Variants in FLVCR2 observed in about 807,000 individuals in gnomAD.
The protein encoded by FLVCR2 is choline/ethanolamine transporter FLVCR2.
FLVCR2 carries 38 observed loss-of-function variants against 48.9 expected under a neutral mutation model. The observed-to-expected ratio is 0.78, with a 90% CI of 0.60 to 1.02. The LOEUF is 1.02. FLVCR2 is among the 50% of genes least tolerant of loss of function. The pLI is 0.00. For synonymous variants in FLVCR2, 255 were observed against 257.0 expected (o/e 0.99, Z 0.07); for missense variants, 664 against 663.3 (o/e 1.00, Z -0.01).
chr14:75,622,851 G>A (rs1378672607), intron 2 of FLVCR2, among the ~76,000 whole-genome samples: 1 of 151,974 alleles, frequency 6.6e-6, no homozygotes, highest in African/African-American at 2.4e-5. Context: ...AGTAACATAT[G>A]CTTATTATAG....
chr14:75,645,598 T>C (rs773465272), intron 9 of FLVCR2, among the ~76,000 whole-genome samples: 1 of 152,202 alleles, frequency 6.6e-6, no homozygotes, highest in Non-Finnish European at 1.5e-5. Context: ...GCATGCTGCT[T>C]TGGCATCTAC....
intron 1 of FLVCR2, among the ~76,000 whole-genome samples, chr14:75,582,189 T>C (rs556217532): frequency 5.1e-4 from 78 of 152,292 alleles, no homozygotes; most frequent in Non-Finnish European, 9.3e-4. Context: ...CAGCTTCCTT[T>C]GGAAGTAAAG....
intron 3 of FLVCR2, among the ~76,000 whole-genome samples, chr14:75,627,360 T>C (rs1889927111): frequency 6.7e-6 from 1 of 149,720 alleles, no homozygotes; most frequent in African/African-American, 2.6e-5. Context: ...TTCAGAACTT[T>C]TAACAAATGG....
chr14:75,604,180 G>T (rs1889235390), intron 1 of FLVCR2: 1 of 152,212 alleles, frequency 6.6e-6, no homozygotes, highest in Non-Finnish European at 1.5e-5. Context: ...GTCGTCTACG[G>T]CCATACCACC....
chr14:75,618,512 A>G (rs1255745538), intron 1 of FLVCR2, among the ~76,000 whole-genome samples: 1 of 152,220 alleles, frequency 6.6e-6, no homozygotes, highest in Non-Finnish European at 1.5e-5. Context: ...TGAGAATGAT[A>G]AAACTAGAAC....
rs1298744108 is a variant in FLVCR2 at position 75,634,965 on chromosome 14, T to C, written c.1076T>C (p.Leu359Pro). 16 of 1,614,018 alleles carry C rather than the reference T, an allele frequency of 9.9e-6. No homozygotes were observed. The highest frequency in any genetic ancestry group is 1.4e-5 in the Non-Finnish European group (16 of 1,179,982). ...CTGACGATCGTCATTGCAGGAATGC[T>C]TGGGGCTGTGATCTCAGGAATCTGG... is the stretch of plus-strand genomic sequence containing the variant. ...IGLTIVIAGM[L>P]GAVISGIWLD... is the part of the protein sequence containing the mutation. The change falls in exon 5 of 10, where the codon CTT (leucine) becomes CCT (proline). Residue 359 changes from leucine (L) to proline (P), a missense_variant. Leu to Pro is a moderately conservative substitution (Grantham distance 98). Transcript: ENST00000238667.
At chr14:75,632,534 T>C (rs564506584) in intron 3 of FLVCR2, 1 of 676,870 alleles carries the variant, frequency 1.5e-6, no homozygotes, top group Non-Finnish European at 2.7e-6. Context: ...GTGGTTGCCA[T>C]ACCCACCTTC....
At chr14:75,607,392 G>A (rs1889321359) in intron 1 of FLVCR2, among the ~76,000 whole-genome samples, 2 of 152,108 alleles carry the variant, frequency 1.3e-5, no homozygotes, top group Admixed American at 1.3e-4. Flanking sequence ...AGCAAACAGT[G>A]ATTCATGAAT....
chr14:75,612,425 C>T (rs1889483599), intron 1 of FLVCR2, among the ~76,000 whole-genome samples: 1 of 152,130 alleles, frequency 6.6e-6, no homozygotes. Context: ...AACCCTACTC[C>T]CTAAGTTCTT....
At chr14:75,612,074 G>A in intron 1 of FLVCR2, among the ~76,000 whole-genome samples, 1 of 152,052 alleles carries the variant, frequency 6.6e-6, no homozygotes, top group Admixed American at 6.6e-5. Context: ...GACATTAGGG[G>A]AGCACGCCTT....
rs757255893 is a variant in FLVCR2, at chr14:75,639,349, TAG to T, written c.1128_1129del. 5.6e-6 allele frequency: 9 copies of T among 1,598,610 alleles called. No individual in the cohort carries two copies. On this transcript the variant is annotated splice_acceptor_variant, in intron 5 of 9. Coordinates refer to ENST00000238667, the MANE Select transcript of FLVCR2 (RefSeq NM_017791.3). LOFTEE classifies it high-confidence loss of function. ...GATTCAATTTCTTTGCCTCTACTTG[TAG>T]AGAGACAACCCTGGTAGTCTATATC...
intron 7 of FLVCR2, 57 bp downstream of exon 7, chr14:75,641,117 C>G: frequency 6.5e-7 from 1 of 1,548,760 alleles, no homozygotes; most frequent in Non-Finnish European, 8.9e-7. Flanking sequence ...ATCATGGCAG[C>G]TCAGTTCTTC....
chr14:75,632,920 T>A, intron 3 of FLVCR2: 1 of 702,378 alleles, frequency 1.4e-6, no homozygotes, highest in South Asian at 1.5e-5. Context: ...TCATCACCAT[T>A]GAAGGGAGGC....
At chr14:75,615,812 G>T (rs1889594498) in intron 1 of FLVCR2, among the ~76,000 whole-genome samples, 1 of 148,608 alleles carries the variant, frequency 6.7e-6, no homozygotes, top group Non-Finnish European at 1.5e-5. Context: ...AAGGTCAGGA[G>T]ATTGAGACCA....
intron 1 of FLVCR2, among the ~76,000 whole-genome samples, chr14:75,608,943 C>G (rs1353421817): frequency 6.6e-6 from 1 of 152,174 alleles, no homozygotes; most frequent in African/African-American, 2.4e-5. Flanking sequence ...ACAACAAGTT[C>G]CTTGAATCCT....
chr14:75,633,546 C>A, intron 3 of FLVCR2, 83 bp from the exon 4 acceptor site: 2 of 1,075,320 alleles, frequency 1.9e-6, no homozygotes, highest in Non-Finnish European at 1.5e-6. Flanking sequence ...TTTCTGCCCA[C>A]CCCCCAAATG....
Position 75,634,979 on chromosome 14 carries a change from T to A in FLVCR2, c.1090T>A (p.Ser364Thr). 6.2e-7 allele frequency: 1 copy of A among 1,613,926 alleles called. No homozygotes were observed. The highest frequency in any genetic ancestry group is 8.5e-7 in the Non-Finnish European group (1 of 1,179,804). ...TGCAGGAATGCTTGGGGCTGTGATC[T>A]CAGGAATCTGGCTGGATAGGTCCAA... ...VIAGMLGAVI[S>T]GIWLDRSKTY... The change falls in exon 5 of 10, where the codon TCA (serine) becomes ACA (threonine). Residue 364 changes from serine to threonine, a missense_variant. Ser to Thr is a moderately conservative substitution (Grantham distance 58). Coordinates refer to ENST00000238667, the MANE Select transcript of FLVCR2 (RefSeq NM_017791.3).
intron 1 of FLVCR2, among the ~76,000 whole-genome samples, chr14:75,589,891 C>CAG (rs1888840938): frequency 6.6e-6 from 1 of 152,220 alleles, no homozygotes; most frequent in Non-Finnish European, 1.5e-5. Flanking sequence ...ATGCAAGGAG[C>CAG]AGAGTTCTGA....
Position 75,579,044 on chromosome 14 carries a change from CCCCAGCGTCTCGGTCCAT to C in FLVCR2, c.102_119del (p.Val35_Ser40del), listed in dbSNP as rs548569935. The C allele has an allele frequency of 2.9e-3, 4,600 of 1,613,424 alleles. 8 individuals carry two copies. Among genetic ancestry groups the C allele is most frequent in the Middle Eastern group, 3.6e-3 (22 of 6,062 alleles). Reference sequence around the variant, plus strand: ...TGCCGGAGTCCGCACTCCAAGCGGACCCCAGCGTCTCGGTCCATCCCAGCGTCTCGGTCCATCCCAGCG... The same window carrying C: ...TGCCGGAGTCCGCACTCCAAGCGGACCCCAGCGTCTCGGTCCATCCCAGCG... On this transcript the variant is annotated inframe_deletion, in exon 1 of 10. Transcript: ENST00000238667.
Sources: allele counts gnomAD v4.1 joint callset (sites outside exome capture counted in the v4.1 genomes callset), GRCh38; gene constraint gnomAD v4.1.1; transcripts MANE v1.5; gene names NCBI Gene and HGNC (gene_info 2026-07-23, HGNC 2026-07-21).